NEK9: variants seen among roughly 807,000 people sequenced by gnomAD.
NEK9 encodes the protein serine/threonine-protein kinase Nek9.
A neutral mutation model predicts 123.4 loss-of-function variants in NEK9; 75 were observed. The observed-to-expected ratio is 0.61, with a 90% CI of 0.50 to 0.74. The LOEUF (loss-of-function observed/expected upper bound fraction) is 0.74. NEK9 is among the 30% of genes least tolerant of loss of function. The pLI, the probability that NEK9 is intolerant of heterozygous loss-of-function variation, is 0.00. For missense variants in NEK9, 952 were observed against 1,214.4 expected (o/e 0.78, Z 3.21); for synonymous variants, 438 against 458.7 (o/e 0.95, Z 0.58).
In NEK9 at chr14:75,083,201, G is replaced by A; in HGVS notation, c.*1363C>T. 1 of 397,912 alleles carries A rather than the reference G, an allele frequency of 2.5e-6. No homozygotes were observed. The allele number at this position is 397,912 out of a possible 1,614,324, so 24.6% of individuals were successfully genotyped here. ...AAGGTGGGATGTGAGACTCATCAAA[G>A]GTAGGATGTGTGACACAAAATACCA... On this transcript the variant is annotated 3_prime_UTR_variant, in exon 22 of 22. Transcript: ENST00000238616.
chr14:75,126,329 T>C (rs1398164517), intron 1 of NEK9, among the ~76,000 whole-genome samples: 1 of 151,968 alleles, frequency 6.6e-6, no homozygotes, highest in Non-Finnish European at 1.5e-5. Context: ...AGGAAGGAAG[T>C]TTTGGCAATA....
At position 75,084,492 on chromosome 14, in the gene NEK9, C is replaced by T; in HGVS notation, c.*72G>A. 5 of 1,576,968 alleles carry T rather than the reference C, an allele frequency of 3.2e-6. No individual in the cohort carries two copies. Among genetic ancestry groups the T allele is most frequent in the Non-Finnish European group, 4.3e-6 (5 of 1,153,404 alleles). ...AGTGAACAAAGCCAGGAAAGCTGCT[C>T]TCTGCATTCGGTAAGTGTGCTGTGA... is the stretch of plus-strand genomic sequence containing the variant. On this transcript the variant is annotated 3_prime_UTR_variant, in exon 22 of 22. Coordinates refer to ENST00000238616, the MANE Select transcript of NEK9 (RefSeq NM_033116.6).
At chr14:75,087,747 A>G (rs1894074939) in intron 20 of NEK9, among the ~76,000 whole-genome samples, 1 of 152,266 alleles carries the variant, frequency 6.6e-6, no homozygotes, top group Admixed American at 6.5e-5. Context: ...TCTTCTGGGA[A>G]GCTTTCTGAT....
intron 19 of NEK9, among the ~76,000 whole-genome samples, chr14:75,090,277 CTTTT>C (rs543579822): frequency 2.5e-5 from 3 of 118,854 alleles, no homozygotes; most frequent in South Asian, 2.8e-4. Context: ...CATGCTCGGT[CTTTT>C]TTTTTTTTTT....
At chr14:75,117,065 C>T (rs1373846556) in intron 6 of NEK9, 130 bp downstream of exon 6, 1 of 1,081,824 alleles carries the variant, frequency 9.2e-7, no homozygotes, top group Non-Finnish European at 1.3e-6. Flanking sequence ...TAATAGATTA[C>T]TAATCTTGTA....
At position 75,106,575 on chromosome 14, in the gene NEK9, G is replaced by C. The variant is rs1894784154; in HGVS notation, c.1455C>G (p.Val485=). The C allele has an allele frequency of 3.1e-6, 5 of 1,613,912 alleles. No individual in the cohort carries two copies. The highest frequency in any genetic ancestry group is 4.2e-6 in the Non-Finnish European group (5 of 1,180,004). The change falls in exon 12 of 22, where the codon GTC becomes GTG. Residue 485 remains valine, a synonymous_variant. Coordinates refer to ENST00000238616, the MANE Select transcript of NEK9 (RefSeq NM_033116.6). The part of the protein sequence containing the change: ...NFFLSNPVEQ[V]SCGDNHVVVL... ...CCACCACATGATTATCTCCACAGGAGACCTGCTCCACTGGATTGCTGAGGA... is the reference window on the plus strand; with the variant it reads ...CCACCACATGATTATCTCCACAGGACACCTGCTCCACTGGATTGCTGAGGA...
chr14:75,126,691 G>A lies in NEK9; in HGVS notation c.219+12C>T, dbSNP rs1895540127. ...AGCGCCAGACAGGGCGGCCGGCGCC[G>A]AGGGCCGCTACCTCGGTGCGGCGGT... On this transcript the variant is annotated intron_variant, in intron 1 of 21. Coordinates refer to ENST00000238616, the MANE Select transcript of NEK9 (RefSeq NM_033116.6). 3 of 1,402,778 alleles carry A rather than the reference G, an allele frequency of 2.1e-6. No individual in the cohort carries two copies. The highest frequency in any genetic ancestry group is 1.6e-5 in the South Asian group (1 of 61,326). 86.9% of individuals were successfully genotyped at this position (1,402,778 alleles called of 1,614,324 possible). A position where few individuals can be genotyped will look rare whatever the true frequency, so the allele number is the denominator to read the frequency against.
rs1217711630 is a variant in NEK9, at chr14:75,126,966, G to A, written c.-45C>T. The A allele has an allele frequency of 8.7e-6, 12 of 1,379,614 alleles. No homozygotes were observed. The highest frequency in any genetic ancestry group is 1.5e-5 in the African/African-American group (1 of 65,460). The allele number at this position is 1,379,614 out of a possible 1,614,324, so 85.5% of individuals were successfully genotyped here. ...GGGGACCAGCCTGCGTATGCCCGGA[G>A]GCCCTGGCCGCGCTGCGTCCCGCTC... On this transcript the variant is annotated 5_prime_UTR_variant, in exon 1 of 22. Transcript: ENST00000238616.
Position 75,123,808 on chromosome 14 carries a change from T to C in NEK9, c.397+238A>G, listed in dbSNP as rs575399746. Among the ~76,000 whole-genome samples the C allele has an allele frequency of 1.2e-4, 18 of 152,296 alleles. No individual in the cohort carries two copies. The South Asian group carries it at 2.9e-3, about 25-fold the overall frequency. ...AGGTAAAATCCAACCAAAGAAAAGA[T>C]AGTTTGAAAATGGAACTGTAATCAC... On this transcript the variant is annotated intron_variant, in intron 2 of 21. Transcript: ENST00000238616.
chr14:75,117,544 A>G (rs1895181806), intron 5 of NEK9, among the ~76,000 whole-genome samples: 1 of 152,214 alleles, frequency 6.6e-6, no homozygotes, highest in South Asian at 2.1e-4. Flanking sequence ...AATCTCTGTG[A>G]CAAAGGAACT....
chr14:75,114,982 T>C (rs1158040406), intron 6 of NEK9, among the ~76,000 whole-genome samples: 1 of 151,866 alleles, frequency 6.6e-6, no homozygotes, highest in Non-Finnish European at 1.5e-5. Flanking sequence ...CATATACATA[T>C]ATACACATAT....
At chr14:75,097,362 A>C (rs954055058) in intron 16 of NEK9, 92 bp from the exon 17 acceptor site, 1 of 1,069,662 alleles carries the variant, frequency 9.3e-7, no homozygotes, top group African/African-American at 1.6e-5. Flanking sequence ...AGCTAGAAAG[A>C]CTTCCCACTA....
chr14:75,113,639 AAT>A (rs926205446), intron 7 of NEK9, among the ~76,000 whole-genome samples: 1 of 152,210 alleles, frequency 6.6e-6, no homozygotes, highest in Non-Finnish European at 1.5e-5. Flanking sequence ...CTTGAACCTC[AAT>A]ATATACAGAA....
In NEK9 at chr14:75,105,963, T is replaced by C. The variant is rs752196053; in HGVS notation, c.1562A>G (p.Tyr521Cys). 1.2e-6 allele frequency: 2 copies of C among 1,613,504 alleles called. No individual in the cohort carries two copies. Among genetic ancestry groups the C allele is most frequent in the African/African-American group, 1.3e-5 (1 of 74,918 alleles). Residue 521 changes from tyrosine (Y) to cysteine (C), a missense_variant, in exon 13 of 22, where the codon TAT (tyrosine) becomes TGT (cysteine). By Grantham distance (194) the Tyr-to-Cys change is radical (BLOSUM62 -2). This residue lies in a region of NEK9 where 698 missense variants were observed against 875.6 expected (regional missense o/e 0.80). Transcript: ENST00000238616. The stretch of plus-strand genomic sequence containing the variant: ...TTCTGATTTTACCTTTTGTGGTGTA[T>C]AATAATCCTCTTCTGAATCCAAACC... ...RLGLDSEEDYYTPQKVDVPKA... is the reference protein window; with the variant it reads ...RLGLDSEEDYCTPQKVDVPKA...
rs1198287935 is a variant in NEK9, at chr14:75,081,696, T to C, written c.*2868A>G. 6.6e-6 allele frequency: 1 copy of C among 152,094 alleles called. No homozygotes were observed. Among genetic ancestry groups the C allele is most frequent in the African/African-American group, 2.4e-5 (1 of 41,412 alleles). 9.4% of individuals were successfully genotyped at this position (152,094 alleles called of 1,614,324 possible). On this transcript the variant is annotated 3_prime_UTR_variant, in exon 22 of 22. Coordinates refer to ENST00000238616, the MANE Select transcript of NEK9 (RefSeq NM_033116.6). This position sits in a 1 kb window ranked among gnomAD's most constrained non-coding sequence, Gnocchi z 4.2. ...CAGTGAAATGCTCAGCCAAGAGAAG[T>C]TGTAACTTGGCTGTGCTATGCCAGG... is the stretch of plus-strand genomic sequence containing the variant.
At position 75,121,265 on chromosome 14, in the gene NEK9, G is replaced by A. The variant is rs370852679; in HGVS notation, c.398-91C>T. ...GTTTTTTTAGGTGACACAAGGAAAT[G>A]AAGGATTCTGCTTTCTCTCCATAGG... is the stretch of plus-strand genomic sequence containing the variant. On this transcript the variant is annotated intron_variant, in intron 2 of 21. Coordinates refer to ENST00000238616, the MANE Select transcript of NEK9 (RefSeq NM_033116.6). 35 of 919,458 alleles carry A rather than the reference G, an allele frequency of 3.8e-5. No homozygotes were observed. The African/African-American group carries it at 5.7e-4, about 15-fold the overall frequency. The allele number at this position is 919,458 out of a possible 1,614,324, so 57.0% of individuals were successfully genotyped here. A position where few individuals can be genotyped will look rare whatever the true frequency, so the allele number is the denominator to read the frequency against.
chr14:75,097,582 G>T (rs1476144310), intron 16 of NEK9, among the ~76,000 whole-genome samples: 4 of 152,228 alleles, frequency 2.6e-5, no homozygotes, highest in African/African-American at 7.2e-5. Flanking sequence ...TGCATGGGGT[G>T]ATAGAGCAGT....
At position 75,113,361 on chromosome 14, in the gene NEK9, G is replaced by A; in HGVS notation, c.916C>T (p.Pro306Ser). 6.2e-7 allele frequency: 1 copy of A among 1,613,758 alleles called. No homozygotes were observed. Among genetic ancestry groups the A allele is most frequent in the Non-Finnish European group, 8.5e-7 (1 of 1,179,710 alleles). Reference sequence around the variant, plus strand: ...TACCTCCTGCGTTTCCTGAGAAGAGGGCGATCTAGAAGTTCATCTGCAGTA... The same window carrying A: ...TACCTCCTGCGTTTCCTGAGAAGAGAGCGATCTAGAAGTTCATCTGCAGTA... Reference protein sequence around the residue: ...RPTADELLDRPLLRKRRREME... With the variant: ...RPTADELLDRSLLRKRRREME... The change falls in exon 8 of 22, where the codon CCT (proline) becomes TCT (serine). Residue 306 changes from proline to serine, a missense_variant. By Grantham distance (74) the Pro-to-Ser change is moderately conservative (BLOSUM62 -1). This residue lies in a region of NEK9 where 698 missense variants were observed against 875.6 expected (regional missense o/e 0.80). Coordinates refer to ENST00000238616, the MANE Select transcript of NEK9 (RefSeq NM_033116.6).
intron 16 of NEK9, among the ~76,000 whole-genome samples, chr14:75,098,222 C>T (rs572325091): frequency 5.9e-5 from 9 of 152,148 alleles, no homozygotes; most frequent in Admixed American, 5.2e-4. Flanking sequence ...AGGAAGGCTG[C>T]AGGAGGTACA....
Sources: gnomAD v4.1 joint callset for allele counts (sites outside exome capture counted in the v4.1 genomes callset) on GRCh38, gnomAD v4.1.1 for gene constraint, gnomAD v4.1.1 regional missense constraint, Gnocchi (gnomAD v3.1) non-coding constraint, MANE v1.5 for transcripts, NCBI Gene and HGNC (gene_info 2026-07-23, HGNC 2026-07-21) for gene names.